The following NFASC variants were observed in gnomAD, a reference collection of about 807,000 sequenced individuals.
The protein encoded by NFASC is neurofascin homolog.
A neutral mutation model predicts 147.5 loss-of-function variants in NFASC; 43 were observed. The ratio of observed to expected loss-of-function variants is 0.29; its 90% CI spans 0.23 to 0.38. The LOEUF (loss-of-function observed/expected upper bound fraction) is 0.38, where lower values mean the gene tolerates loss of function less well. Among genes scored for constraint, NFASC ranks in the 10% least tolerant of loss-of-function variants. The probability of loss-of-function intolerance (pLI) is 1.00; values close to 1 mark genes in which losing one functional copy is unlikely to be tolerated. For missense variants in NFASC, 1,320 were observed against 1,689.0 expected, an observed-to-expected ratio of 0.78 and a Z score of 3.83; for synonymous variants, 622 against 665.5, an observed-to-expected ratio of 0.93 and a Z score of 1.01.
At chr1:204,856,478 T>A (rs2102763583) in intron 1 of NFASC, among the ~76,000 whole-genome samples, 1 of 151,772 alleles carries the variant, frequency 6.6e-6, no homozygotes, top group Non-Finnish European at 1.5e-5. Flanking sequence ...CGATCCCCCA[T>A]GTACCTAATG....
intron 1 of NFASC, among the ~76,000 whole-genome samples, chr1:204,908,669 G>A (rs1023785111): frequency 6.6e-6 from 1 of 152,028 alleles, no homozygotes; most frequent in Non-Finnish European, 1.5e-5. Flanking sequence ...GATCCCTCAT[G>A]TTGCCCTTTT....
intron 28 of NFASC, 25 bp downstream of exon 28, chr1:205,009,713 T>G: frequency 6.2e-7 from 1 of 1,610,176 alleles, no homozygotes; most frequent in Non-Finnish European, 8.5e-7. Context: ...AGGCGTGGGC[T>G]TGCAGGGTGG....
intron 21 of NFASC, 110 bp downstream of exon 21, chr1:204,982,130 C>T: frequency 1.5e-6 from 1 of 645,260 alleles, no homozygotes; most frequent in South Asian, 2.4e-5. Flanking sequence ...CAGCCAGTTC[C>T]CAGGAAGGAA....
chr1:204,954,069 A>G lies in NFASC; in HGVS notation c.216-119A>G. On this transcript the variant is annotated intron_variant, in intron 5 of 29. Coordinates refer to ENST00000339876, the MANE Select transcript of NFASC (RefSeq NM_001005388.3). The surrounding 1 kb of genome is among the most constrained non-coding windows in gnomAD (Gnocchi z 5.7). ...CTGAGACCTGTTGGTATGGGGTGCC[A>G]CGATGGGACTGAGAGAGGGAATTTT... The G allele has an allele frequency of 1.2e-6, 1 of 836,508 alleles. No individual in the cohort carries two copies. Among genetic ancestry groups the G allele is most frequent in the African/African-American group, 1.7e-5 (1 of 59,160 alleles). 51.8% of individuals were successfully genotyped at this position (836,508 alleles called of 1,614,324 possible). A position where few individuals can be genotyped will look rare whatever the true frequency, so the allele number is the denominator to read the frequency against.
intron 1 of NFASC, among the ~76,000 whole-genome samples, chr1:204,881,352 G>A (rs930784800): frequency 1.3e-5 from 2 of 152,206 alleles, no homozygotes; most frequent in Non-Finnish European, 2.9e-5. Context: ...CTCTATTGGT[G>A]ACAGATGCAT....
At chr1:204,913,959 A>G (rs2088460863) in intron 1 of NFASC, among the ~76,000 whole-genome samples, 1 of 152,166 alleles carries the variant, frequency 6.6e-6, no homozygotes, top group Non-Finnish European at 1.5e-5. Context: ...ATGGAAACAT[A>G]AAAATAGTCT....
chr1:204,916,026 G>T (rs975600772), intron 1 of NFASC, among the ~76,000 whole-genome samples: 8 of 152,180 alleles, frequency 5.3e-5, no homozygotes, highest in African/African-American at 1.4e-4. Context: ...TGTTGCTGGG[G>T]AGTGTCTTCC....
intron 8 of NFASC, among the ~76,000 whole-genome samples, chr1:204,965,032 G>A (rs1223841411): frequency 6.6e-6 from 1 of 152,230 alleles, no homozygotes; most frequent in Non-Finnish European, 1.5e-5. Context: ...CAGCTTACGA[G>A]AGCAGGAGAG....
chr1:204,848,637 C>T (rs755261078), intron 1 of NFASC, among the ~76,000 whole-genome samples: 3 of 152,182 alleles, frequency 2.0e-5, no homozygotes, highest in Admixed American at 6.5e-5. Flanking sequence ...TGAAAAGTGA[C>T]AATCAAAAAA....
intron 1 of NFASC, among the ~76,000 whole-genome samples, chr1:204,890,347 G>A (rs376047216): frequency 2.3e-4 from 35 of 152,270 alleles, no homozygotes; most frequent in African/African-American, 7.5e-4. Flanking sequence ...GGATCCAGAC[G>A]GCACTATGTG....
At position 204,959,344 on chromosome 1, in the gene NFASC, C is replaced by T. The variant is rs377696532; in HGVS notation, c.706+1518C>T. Among the ~76,000 whole-genome samples, 24 of 152,298 alleles carry T rather than the reference C, an allele frequency of 1.6e-4. 1 individual carries two copies. The East Asian group carries it at 4.5e-3, about 28-fold the overall frequency. On this transcript the variant is annotated intron_variant, in intron 8 of 29. Transcript: ENST00000339876. ...GTGACCTGGCTTCACTCCAGTTGCTCCCCCGTCCCTGACTTTCTCATTCCT... is the reference window on the plus strand; with the variant it reads ...GTGACCTGGCTTCACTCCAGTTGCTTCCCCGTCCCTGACTTTCTCATTCCT...
At chr1:204,984,385 A>ACG in intron 21 of NFASC, 1 of 37,086 alleles carries the variant, frequency 2.7e-5, no homozygotes, top group Non-Finnish European at 7.3e-5. Flanking sequence ...ATATACGCAT[A>ACG]TATATATATA....
intron 1 of NFASC, among the ~76,000 whole-genome samples, chr1:204,838,978 G>A (rs545493234): frequency 9.8e-5 from 15 of 152,332 alleles, no homozygotes; most frequent in South Asian, 2.1e-4. Flanking sequence ...TGGTGTTGGC[G>A]CATGCCAGCC....
In NFASC at chr1:204,977,172, A is replaced by G. The variant is rs56274773; in HGVS notation, c.1831+377A>G. ...GACTGAGTTTGTGTTTGTGCTTCCAATGACCTCTGCCAGCCTTCCTTTCCC... is the reference window on the plus strand; with the variant it reads ...GACTGAGTTTGTGTTTGTGCTTCCAGTGACCTCTGCCAGCCTTCCTTTCCC... On this transcript the variant is annotated intron_variant, in intron 16 of 29. Coordinates refer to ENST00000339876, the MANE Select transcript of NFASC (RefSeq NM_001005388.3). 5.5e-3 allele frequency: 5,844 copies of G among 1,057,746 alleles called. 30 individuals are homozygous for G. The highest frequency in any genetic ancestry group is 0.011 in the East Asian group (181 of 16,680). 65.5% of individuals were successfully genotyped at this position (1,057,746 alleles called of 1,614,324 possible).
chr1:204,970,568 T>G (rs1279677369), intron 10 of NFASC, 48 bp from the exon 11 acceptor site: 1 of 1,610,374 alleles, frequency 6.2e-7, no homozygotes, highest in Non-Finnish European at 8.5e-7. Flanking sequence ...TTCTTCTGCC[T>G]GTCCCATGCC....
At chr1:204,863,457 C>A (rs144650270) in intron 1 of NFASC, among the ~76,000 whole-genome samples, 50 of 152,240 alleles carry the variant, frequency 3.3e-4, no homozygotes, top group African/African-American at 1.1e-3. Flanking sequence ...CTATTTCAAC[C>A]ATTTTGTAGA....
chr1:204,956,054 T>C (rs2094410546), intron 7 of NFASC, among the ~76,000 whole-genome samples: 4 of 152,120 alleles, frequency 2.6e-5, no homozygotes, highest in Admixed American at 2.6e-4. Flanking sequence ...TCCTCTCTCA[T>C]CTCTCCCACA....
rs531117259 is a variant in NFASC, at chr1:204,908,350, C to T, written c.-199-12282C>T. On this transcript the variant is annotated intron_variant, in intron 1 of 29. Coordinates refer to ENST00000339876, the MANE Select transcript of NFASC (RefSeq NM_001005388.3). The stretch of plus-strand genomic sequence containing the variant: ...TTATGTGGTAGTAGATTTTTTTTTC[C>T]TAATTTGTTTATGCTTTAACTAACA... 1.3e-3 allele frequency among the ~76,000 whole-genome samples: 200 copies of T among 151,398 alleles called. 1 individual carries two copies. Among genetic ancestry groups the T allele is most frequent in the African/African-American group, 4.5e-3 (186 of 41,284 alleles).
Position 205,021,595 on chromosome 1 carries a change from G to A in NFASC, c.*5056G>A, listed in dbSNP as rs1467907549. 1 of 153,296 alleles carries A rather than the reference G, an allele frequency of 6.5e-6. No homozygotes were observed. The highest frequency in any genetic ancestry group is 6.5e-5 in the Admixed American group (1 of 15,272). The allele number at this position is 153,296 out of a possible 1,614,324, so 9.5% of individuals were successfully genotyped here. A position where few individuals can be genotyped will look rare whatever the true frequency, so the allele number is the denominator to read the frequency against. On this transcript the variant is annotated 3_prime_UTR_variant, in exon 30 of 30. Transcript: ENST00000339876. ...AAGATCACATAGCTGGTAAACTAAGGTAAGGTTAGGGCTTGAACTTGGGCC... is the reference window on the plus strand; with the variant it reads ...AAGATCACATAGCTGGTAAACTAAGATAAGGTTAGGGCTTGAACTTGGGCC...
Sources: gnomAD v4.1 joint callset for allele counts (sites outside exome capture counted in the v4.1 genomes callset) on GRCh38, gnomAD v4.1.1 for gene constraint, Gnocchi (gnomAD v3.1) non-coding constraint, MANE v1.5 for transcripts, NCBI Gene and HGNC (gene_info 2026-07-23, HGNC 2026-07-21) for gene names.